SUMF1: variants seen among roughly 807,000 people sequenced by gnomAD.
The protein encoded by SUMF1 is formylglycine-generating enzyme.
Under a neutral mutation model 47.6 loss-of-function variants are expected in SUMF1, and 48 were observed. That is an observed-to-expected ratio of 1.01 (90% CI 0.80 to 1.28). The LOEUF is 1.28. SUMF1 is among the 50% of genes most tolerant of loss of function. SUMF1 has a pLI of 0.00. For missense variants in SUMF1, 571 were observed against 485.4 expected (o/e 1.18, Z -1.66); for synonymous variants, 230 against 192.1 (o/e 1.20, Z -1.63).
At chr3:4,123,648 G>A (rs1409495496) in intron 8 of SUMF1, among the ~76,000 whole-genome samples, 1 of 152,154 alleles carries the variant, frequency 6.6e-6, no homozygotes, top group African/African-American at 2.4e-5. Context: ...TAGCACAGTA[G>A]AGAGAAAAGA....
intron 8 of SUMF1, among the ~76,000 whole-genome samples, chr3:4,353,061 C>T (rs1699538839): frequency 6.6e-6 from 1 of 152,090 alleles, no homozygotes; most frequent in Non-Finnish European, 1.5e-5. Flanking sequence ...TTGAGGACCC[C>T]ACAGAATTTC....
At chr3:4,273,438 C>T (rs945291214) in intron 8 of SUMF1, among the ~76,000 whole-genome samples, 3 of 151,970 alleles carry the variant, frequency 2.0e-5, no homozygotes, top group Admixed American at 1.3e-4. Context: ...TATATGATTC[C>T]ATTTATATGA....
chr3:4,463,821 T>C (rs2079872675), intron 1 of SUMF1, among the ~76,000 whole-genome samples: 1 of 152,254 alleles, frequency 6.6e-6, no homozygotes, highest in Non-Finnish European at 1.5e-5. Flanking sequence ...TAAAACATTT[T>C]GCTTCCTTGT....
chr3:4,094,980 C>T (rs538637242), intron 8 of SUMF1, among the ~76,000 whole-genome samples: 116 of 152,084 alleles, frequency 7.6e-4, no homozygotes, highest in Middle Eastern at 3.4e-3. Context: ...AAACATAAAA[C>T]CTTATGATCA....
At chr3:4,069,507 C>T (rs1297612704) in intron 8 of SUMF1, among the ~76,000 whole-genome samples, 5 of 152,126 alleles carry the variant, frequency 3.3e-5, no homozygotes, top group Admixed American at 3.3e-4. Context: ...AGGTAACATG[C>T]AATCTATGTG....
intron 8 of SUMF1, among the ~76,000 whole-genome samples, chr3:4,121,324 A>G (rs1268797414): frequency 6.6e-6 from 1 of 152,182 alleles, no homozygotes; most frequent in African/African-American, 2.4e-5. Context: ...ATTATAGAAG[A>G]TGGGAGCTAA....
chr3:4,425,096 T>A (rs957052428), intron 3 of SUMF1, among the ~76,000 whole-genome samples: 1 of 152,192 alleles, frequency 6.6e-6, no homozygotes, highest in African/African-American at 2.4e-5. Flanking sequence ...TACTGTATTA[T>A]GATAATTAGG....
chr3:4,242,039 G>C (rs1276599381), intron 8 of SUMF1, among the ~76,000 whole-genome samples: 2 of 152,106 alleles, frequency 1.3e-5, no homozygotes, highest in Non-Finnish European at 2.9e-5. Flanking sequence ...AAGATAGCTG[G>C]CTCGTTGGTC....
At chr3:4,270,318 G>C (rs989574694) in intron 8 of SUMF1, among the ~76,000 whole-genome samples, 9 of 151,884 alleles carry the variant, frequency 5.9e-5, no homozygotes, top group African/African-American at 2.2e-4. Context: ...AAACAAACAG[G>C]GAGATCAAGA....
intron 9 of SUMF1, among the ~76,000 whole-genome samples, chr3:4,058,580 TAAAAG>T (rs1695228541): frequency 1.3e-5 from 2 of 151,658 alleles, no homozygotes; most frequent in Admixed American, 6.6e-5. Context: ...GAAAATGAAG[TAAAAG>T]GAAAAGAGGA....
intron 8 of SUMF1, among the ~76,000 whole-genome samples, chr3:4,283,199 C>T (rs1461487374): frequency 1.3e-5 from 2 of 152,138 alleles, no homozygotes; most frequent in Non-Finnish European, 1.5e-5. Context: ...TGAAGAAAAC[C>T]ACCCCCACTT....
intron 9 of SUMF1, among the ~76,000 whole-genome samples, chr3:4,057,598 G>T (rs770122757): frequency 6.6e-6 from 1 of 152,114 alleles, no homozygotes; most frequent in Non-Finnish European, 1.5e-5. Flanking sequence ...ATAGAAAGGA[G>T]AATAATGCCC....
At chr3:4,286,058 C>T (rs1292065166) in intron 8 of SUMF1, among the ~76,000 whole-genome samples, 2 of 152,044 alleles carry the variant, frequency 1.3e-5, no homozygotes, top group African/African-American at 4.8e-5. Flanking sequence ...ACATTCTTTA[C>T]AAGACTCCTT....
chr3:4,347,357 T>A (rs1246856776), intron 8 of SUMF1, among the ~76,000 whole-genome samples: 1 of 152,202 alleles, frequency 6.6e-6, no homozygotes, highest in Non-Finnish European at 1.5e-5. Flanking sequence ...GCTTCATCAC[T>A]GGGATGCAAG....
At chr3:4,266,322 G>C (rs1697194380) in intron 8 of SUMF1, among the ~76,000 whole-genome samples, 2 of 152,150 alleles carry the variant, frequency 1.3e-5, no homozygotes, top group African/African-American at 4.8e-5. Context: ...ACCTTGGGCA[G>C]TATGGCCATT....
chr3:4,145,304 T>G (rs903610659), intron 8 of SUMF1, among the ~76,000 whole-genome samples: 2 of 151,706 alleles, frequency 1.3e-5, no homozygotes, highest in African/African-American at 4.8e-5. Context: ...GTGCTTGAAA[T>G]TACTTGGGTA....
chr3:4,151,427 ACATGTG>A (rs1409499142), intron 8 of SUMF1, among the ~76,000 whole-genome samples: 6 of 51,760 alleles, frequency 1.2e-4, no homozygotes, highest in East Asian at 4.7e-4. Flanking sequence ...ATATGTGTAT[ACATGTG>A]TATATATGTA....
intron 3 of SUMF1, among the ~76,000 whole-genome samples, chr3:4,441,279 C>A (rs1289265507): frequency 1.3e-5 from 2 of 152,162 alleles, no homozygotes; most frequent in African/African-American, 4.8e-5. Context: ...AATCTAATGC[C>A]TGATGATCTC....
chr3:4,398,695 T>C (rs541108060), intron 7 of SUMF1, among the ~76,000 whole-genome samples: 10 of 152,308 alleles, frequency 6.6e-5, no homozygotes, highest in African/African-American at 2.4e-4. Flanking sequence ...AGAAACTGAT[T>C]TAAAATCTCA....
Sources: gnomAD v4.1 joint callset for allele counts (sites outside exome capture counted in the v4.1 genomes callset) on GRCh38, gnomAD v4.1.1 for gene constraint, MANE v1.5 for transcripts, NCBI Gene and HGNC (gene_info 2026-07-23, HGNC 2026-07-21) for gene names.